The following COX11 variants were observed in gnomAD, a reference collection of about 807,000 sequenced individuals.
The protein encoded by COX11 is cytochrome c oxidase assembly protein COX11, mitochondrial.
COX11 carries 18 observed loss-of-function variants against 29.4 expected under a neutral mutation model. That is an observed-to-expected ratio of 0.61 (90% CI 0.42 to 0.91). COX11 has a LOEUF of 0.91. Among genes scored for constraint, COX11 ranks in the 40% least tolerant of loss-of-function variants. The pLI is 0.00. For missense variants in COX11, 312 were observed against 346.0 expected, an observed-to-expected ratio of 0.90 and a Z score of 0.78; for synonymous variants, 131 against 124.0, an observed-to-expected ratio of 1.06 and a Z score of -0.38.
downstream of COX11, chr17:54,959,082 T>G (rs1020562715): frequency 2.0e-5 from 3 of 152,136 alleles, no homozygotes; most frequent in African/African-American, 7.2e-5. Flanking sequence ...CCAGAGAGTT[T>G]AGAGGTTTGA....
exon 1 of COX11, chr17:54,952,952 A>G (rs921982366): frequency 3.3e-5 from 5 of 152,250 alleles, no homozygotes; most frequent in Non-Finnish European, 7.3e-5. Flanking sequence ...AGTTTTAGAT[A>G]CTATTTCATG....
upstream of COX11, chr17:54,968,657 A>C (rs560870558): frequency 2.5e-6 from 4 of 1,596,214 alleles, no homozygotes; most frequent in East Asian, 9.0e-5. Flanking sequence ...AACCCTCTGA[A>C]CTAACACCCA....
At chr17:54,959,545 G>A (rs1169080775), downstream of COX11, 1 of 151,330 alleles carries the variant, frequency 6.6e-6, no homozygotes, top group Non-Finnish European at 1.5e-5. Context: ...GTACAGAAAT[G>A]ACAGTGATGA....
chr17:54,952,918 G>A (rs1197221563), exon 1 of COX11: 1 of 152,182 alleles, frequency 6.6e-6, no homozygotes, highest in Non-Finnish European at 1.5e-5. Context: ...GGATGTTTGG[G>A]GAACAGAAGA....
At chr17:54,964,916 A>G in intron 1 of COX11, 64 bp from the exon 2 acceptor site, 1 of 1,493,264 alleles carries the variant, frequency 6.7e-7, no homozygotes, top group Non-Finnish European at 9.2e-7. Context: ...TTTATTTGAT[A>G]AAAGTTTAAA....
intron 1 of COX11, 99 bp from the exon 2 acceptor site, chr17:54,964,951 T>C (rs1407340704): frequency 1.6e-6 from 2 of 1,215,596 alleles, no homozygotes; most frequent in African/African-American, 3.1e-5. Context: ...TATAATCCAT[T>C]TGGAGCCAAG....
rs1464356822 is a variant in COX11, at chr17:54,960,698, TTTAG to T, written c.*2031_*2034del. On this transcript the variant is annotated 3_prime_UTR_variant, in exon 4 of 4. Coordinates refer to ENST00000299335, the MANE Select transcript of COX11 (RefSeq NM_004375.5). ...TTCAGTATAATTATCACTTTACATA[TTTAG>T]TATTTAAATTTTCTAAGGGCCATCT... 4.9e-6 allele frequency: 6 copies of T among 1,223,374 alleles called. No homozygotes were observed. In the African/African-American group the frequency reaches 7.5e-5, roughly 15 times the overall value. 75.8% of individuals were successfully genotyped at this position (1,223,374 alleles called of 1,614,324 possible).
exon 1 of COX11, chr17:54,953,829 C>T (rs530972077): frequency 1.3e-5 from 2 of 152,304 alleles, no homozygotes; most frequent in South Asian, 4.2e-4. Flanking sequence ...AGAGTTTTCT[C>T]TGAATATCTG....
At chr17:54,958,748 A>AAAAAAAAAATG (rs372776781), downstream of COX11, among the ~76,000 whole-genome samples, 1 of 118,928 alleles carries the variant, frequency 8.4e-6, no homozygotes, top group Non-Finnish European at 1.7e-5. Context: ...AAAAAAAAAA[A>AAAAAAAAAATG]GGGGTTGTTG....
Position 54,960,998 on chromosome 17 carries a change from GA to G in COX11, c.*1734del. ...TACCGTTAGTCCTCCAAATAGGTCT[GA>G]ATTTTTCCTATTTTCAGCACTACTA... On this transcript the variant is annotated 3_prime_UTR_variant, in exon 4 of 4. Coordinates refer to ENST00000299335, the MANE Select transcript of COX11 (RefSeq NM_004375.5). 1.8e-6 allele frequency: 1 copy of G among 559,672 alleles called. No individual in the cohort carries two copies. The highest frequency in any genetic ancestry group is 3.0e-5 in the East Asian group (1 of 33,222). 34.7% of individuals were successfully genotyped at this position (559,672 alleles called of 1,614,324 possible).
At chr17:54,968,730 T>C, upstream of COX11, 2 of 1,474,856 alleles carry the variant, frequency 1.4e-6, no homozygotes, top group Non-Finnish European at 9.1e-7. Flanking sequence ...GAGATCTGGG[T>C]TGAGCCTGCC....
At chr17:54,954,605 G>A (rs565578016) in exon 1 of COX11, 26 of 152,344 alleles carry the variant, frequency 1.7e-4, no homozygotes, top group African/African-American at 5.1e-4. Context: ...GGTGGACTAT[G>A]CCCCTGTATT....
rs752061150 is a variant in COX11, at chr17:54,960,624, T to G, written c.*2109A>C. 2.5e-6 allele frequency: 4 copies of G among 1,607,328 alleles called. No homozygotes were observed. The highest frequency in any genetic ancestry group is 1.7e-5 in the Admixed American group (1 of 60,004). On this transcript the variant is annotated 3_prime_UTR_variant, in exon 4 of 4. Transcript: ENST00000299335. ...CAAAGGAGCTCAAAATGATGGTGAC[T>G]GAGGTAAAGACTTCAACTTATACAA...
At chr17:54,955,105 ACT>A (rs2049429467) in exon 1 of COX11, 1 of 152,168 alleles carries the variant, frequency 6.6e-6, no homozygotes, top group African/African-American at 2.4e-5. Flanking sequence ...GGGCTTCCAA[ACT>A]CTGGAGATTA....
intron 1 of COX11, among the ~76,000 whole-genome samples, chr17:54,967,057 C>T (rs1378523329): frequency 2.2e-5 from 2 of 91,298 alleles, no homozygotes; most frequent in Non-Finnish European, 5.8e-5. Flanking sequence ...CACACACACA[C>T]ACACACACAC....
At chr17:54,954,776 C>CAG (rs1232133400) in exon 1 of COX11, 1 of 152,178 alleles carries the variant, frequency 6.6e-6, no homozygotes, top group East Asian at 1.9e-4. Flanking sequence ...TCCCTTTGGC[C>CAG]AATTTACATA....
chr17:54,968,217 G>A (rs2077303683), intron 1 of COX11, 64 bp downstream of exon 1: 17 of 1,561,236 alleles, frequency 1.1e-5, no homozygotes, highest in Non-Finnish European at 1.3e-5. Flanking sequence ...GGCTTGTCCC[G>A]GGATTTGTCT....
chr17:54,968,670 C>A, upstream of COX11: 1 of 1,590,784 alleles, frequency 6.3e-7, no homozygotes, highest in South Asian at 1.1e-5. Context: ...AACACCCACC[C>A]GCCTCTCAGG....
At chr17:54,965,275 C>G (rs1490020991) in intron 1 of COX11, among the ~76,000 whole-genome samples, 1 of 152,216 alleles carries the variant, frequency 6.6e-6, no homozygotes, top group Non-Finnish European at 1.5e-5. Flanking sequence ...CTCAATTTTT[C>G]CATATTCCTG....
Sources: allele counts gnomAD v4.1 joint callset (sites outside exome capture counted in the v4.1 genomes callset), GRCh38; gene constraint gnomAD v4.1.1; transcripts MANE v1.5; gene names NCBI Gene and HGNC (gene_info 2026-07-23, HGNC 2026-07-21).